The following PTPN4 variants were observed in gnomAD, a reference collection of about 807,000 sequenced individuals.
The protein encoded by PTPN4 is tyrosine-protein phosphatase non-receptor type 4.
PTPN4 carries 49 observed loss-of-function variants against 135.5 expected under a neutral mutation model. The observed-to-expected ratio is 0.36, with a 90% confidence interval of 0.29 to 0.46. The LOEUF is 0.46. Among genes scored for constraint, PTPN4 ranks in the 20% least tolerant of loss-of-function variants. The pLI, the probability that PTPN4 is intolerant of heterozygous loss-of-function variation, is 1.00. For synonymous variants in PTPN4, 333 were observed against 369.9 expected (o/e 0.90, Z 1.14); for missense variants, 860 against 1,101.0 (o/e 0.78, Z 3.10).
chr2:119,931,734 G>A (rs750495573), intron 13 of PTPN4, among the ~76,000 whole-genome samples: 5 of 151,630 alleles, frequency 3.3e-5, no homozygotes, highest in African/African-American at 1.2e-4. Context: ...GCCACCTCGC[G>A]CATCCAAGAT....
At chr2:119,959,257 G>A (rs1206799446) in intron 22 of PTPN4, among the ~76,000 whole-genome samples, 3 of 149,692 alleles carry the variant, frequency 2.0e-5, no homozygotes, top group African/African-American at 7.3e-5. Flanking sequence ...TTTTTTGGTA[G>A]CAAAACCACA....
At chr2:119,921,093 C>A (rs1439340575) in intron 12 of PTPN4, among the ~76,000 whole-genome samples, 1 of 151,996 alleles carries the variant, frequency 6.6e-6, no homozygotes, top group Non-Finnish European at 1.5e-5. Flanking sequence ...CCAGCCTGGC[C>A]AACATGGTGA....
intron 19 of PTPN4, among the ~76,000 whole-genome samples, chr2:119,953,042 C>G (rs1197154807): frequency 2.0e-5 from 3 of 152,196 alleles, no homozygotes; most frequent in African/African-American, 7.2e-5. Context: ...AAACCCACCT[C>G]CCTTTCTCCA....
chr2:119,823,685 G>T (rs1677104471), intron 2 of PTPN4, among the ~76,000 whole-genome samples: 1 of 152,190 alleles, frequency 6.6e-6, no homozygotes, highest in African/African-American at 2.4e-5. Flanking sequence ...GTTTGCTGAA[G>T]ATTTCAGTGG....
intron 1 of PTPN4, among the ~76,000 whole-genome samples, chr2:119,779,552 G>A (rs931786953): frequency 4.0e-5 from 6 of 151,220 alleles, no homozygotes; most frequent in Non-Finnish European, 7.4e-5. Flanking sequence ...GGGAGGCGGA[G>A]CTTGCAGTGA....
intron 1 of PTPN4, among the ~76,000 whole-genome samples, chr2:119,789,071 A>T: frequency 6.6e-6 from 1 of 150,466 alleles, no homozygotes; most frequent in Non-Finnish European, 1.5e-5. Flanking sequence ...CCTTGCCAAC[A>T]CTTGTTATTT....
intron 26 of PTPN4, among the ~76,000 whole-genome samples, chr2:119,975,067 C>G (rs917057640): frequency 6.6e-6 from 1 of 151,976 alleles, no homozygotes; most frequent in African/African-American, 2.4e-5. Flanking sequence ...AGTATATTCT[C>G]CCACAGTATG....
intron 22 of PTPN4, among the ~76,000 whole-genome samples, chr2:119,960,595 A>G (rs113410780): frequency 1.3e-5 from 2 of 152,314 alleles, no homozygotes; most frequent in African/African-American, 4.8e-5. Context: ...TATTTCCACT[A>G]ATTAAAAGAT....
intron 2 of PTPN4, among the ~76,000 whole-genome samples, chr2:119,844,142 G>A (rs1490212769): frequency 1.9e-4 from 16 of 85,320 alleles, no homozygotes; most frequent in African/African-American, 4.8e-4. Context: ...GCGGCTGGCC[G>A]GGCGGGGGGC....
At chr2:119,845,259 GGAGGGGGAGGGAGAGGGA>G (rs1677477055) in intron 2 of PTPN4, among the ~76,000 whole-genome samples, 1 of 71,472 alleles carries the variant, frequency 1.4e-5, no homozygotes, top group Admixed American at 1.4e-4. Flanking sequence ...AGGGGGAGGG[GGAGGGGGAGGGAGAGGGA>G]GAGGGAGAGG....
chr2:119,934,775 TCA>T (rs762417815), intron 14 of PTPN4, 23 bp from the exon 15 acceptor site: 1 of 1,607,088 alleles, frequency 6.2e-7, no homozygotes. Context: ...ATATTTTTAT[TCA>T]GTTTTTCTCC....
chr2:119,851,392 T>C (rs1677588776), intron 2 of PTPN4, among the ~76,000 whole-genome samples: 1 of 152,144 alleles, frequency 6.6e-6, no homozygotes, highest in Non-Finnish European at 1.5e-5. Context: ...GAAAGGAAAG[T>C]GCACTTGGAA....
rs1361712800 is a variant in PTPN4, at chr2:119,854,166, C to T, written c.139-8370C>T. Among the ~76,000 whole-genome samples, 5 of 152,220 alleles carry T rather than the reference C, an allele frequency of 3.3e-5. No individual in the cohort carries two copies. In the East Asian group the frequency reaches 9.7e-4, roughly 29 times the overall value. On this transcript the variant is annotated intron_variant, in intron 2 of 26. Transcript: ENST00000263708. ...ACCCTGGCCTTTTAATATGCAAATGCAGGTCTCCATGATGTCCTGCACACG... is the reference window on the plus strand; with the variant it reads ...ACCCTGGCCTTTTAATATGCAAATGTAGGTCTCCATGATGTCCTGCACACG...
At chr2:119,949,300 A>T (rs1418762064) in intron 18 of PTPN4, among the ~76,000 whole-genome samples, 1 of 152,148 alleles carries the variant, frequency 6.6e-6, no homozygotes. Context: ...TTATTTTGTT[A>T]ATTTAGAGAT....
At chr2:119,890,922 T>A (rs1055030021) in intron 9 of PTPN4, among the ~76,000 whole-genome samples, 9 of 152,228 alleles carry the variant, frequency 5.9e-5, no homozygotes, top group Non-Finnish European at 1.3e-4. Flanking sequence ...TTCTATTGTC[T>A]TCCGGCCTAT....
chr2:119,956,752 T>C lies in PTPN4; in HGVS notation c.1981-92T>C. On this transcript the variant is annotated intron_variant, in intron 20 of 26. Transcript: ENST00000263708. ...TGACCTATTCAAAGGCAAAGAAACC[T>C]GTTTCCTGTTAGTGTAGAAACAAGT... The C allele has an allele frequency of 1.9e-6, 3 of 1,566,718 alleles. 1 individual carries two copies. In the South Asian group the frequency reaches 3.6e-5, roughly 19 times the overall value.
At chr2:119,853,762 T>C (rs1677631970) in intron 2 of PTPN4, among the ~76,000 whole-genome samples, 1 of 152,200 alleles carries the variant, frequency 6.6e-6, no homozygotes, top group Non-Finnish European at 1.5e-5. Context: ...CCCATTTCAT[T>C]ACTCTTTCTT....
intron 22 of PTPN4, among the ~76,000 whole-genome samples, chr2:119,957,427 A>G (rs1679304789): frequency 6.6e-6 from 1 of 152,080 alleles, no homozygotes; most frequent in Admixed American, 6.6e-5. Flanking sequence ...GTAATTGTCT[A>G]GGTTGCATGC....
intron 1 of PTPN4, among the ~76,000 whole-genome samples, chr2:119,807,941 AATCC>A (rs1691505537): frequency 6.6e-6 from 1 of 152,226 alleles, no homozygotes; most frequent in African/African-American, 2.4e-5. Context: ...CAATAAACGT[AATCC>A]ATCAGCTAAA....
Sources: gnomAD v4.1 joint callset for allele counts (sites outside exome capture counted in the v4.1 genomes callset) on GRCh38, gnomAD v4.1.1 for gene constraint, MANE v1.5 for transcripts, NCBI Gene and HGNC (gene_info 2026-07-23, HGNC 2026-07-21) for gene names.